The following WFS1 variants were observed in gnomAD, a reference collection of about 807,000 sequenced individuals.
The protein encoded by WFS1 is wolframin ER transmembrane glycoprotein.
WFS1 carries 90 observed loss-of-function variants against 68.5 expected under a neutral mutation model. That is an observed-to-expected ratio of 1.31 (90% CI 1.11 to 1.56). The LOEUF is 1.56. Among genes scored for constraint, WFS1 ranks in the 40% most tolerant of loss-of-function variants. The pLI is 0.00. For missense variants in WFS1, 1,767 were observed against 1,232.6 expected, an observed-to-expected ratio of 1.43 and a Z score of -6.49; for synonymous variants, 860 against 540.7, an observed-to-expected ratio of 1.59 and a Z score of -8.19.
intron 5 of WFS1, 83 bp downstream of exon 5, chr4:6,291,450 A>G: frequency 6.5e-7 from 1 of 1,543,922 alleles, no homozygotes; most frequent in Non-Finnish European, 8.7e-7. Flanking sequence ...AGGGGCTGGG[A>G]CCTTCCCTCA....
intron 7 of WFS1, 108 bp from the exon 8 acceptor site, chr4:6,300,549 G>C (rs1578607955): frequency 2.0e-6 from 3 of 1,526,022 alleles, no homozygotes; most frequent in South Asian, 2.4e-5. Context: ...GAAAACGCAA[G>C]GGTGCGGGTT....
At chr4:6,290,150 G>C (rs547953676) in intron 4 of WFS1, among the ~76,000 whole-genome samples, 31 of 152,312 alleles carry the variant, frequency 2.0e-4, no homozygotes, top group African/African-American at 7.5e-4. Flanking sequence ...GGTTGGCCAG[G>C]CTGGTCACAA....
Position 6,302,102 on chromosome 4 carries a change from G to A in WFS1, c.2307G>A (p.Lys769=). 3 of 1,612,944 alleles carry A rather than the reference G, an allele frequency of 1.9e-6. No individual in the cohort carries two copies. The highest frequency in any genetic ancestry group is 2.5e-6 in the Non-Finnish European group (3 of 1,180,028). The change falls in exon 8 of 8, where the codon AAG becomes AAA. Residue 769 remains lysine (K), a synonymous_variant. Transcript: ENST00000226760. The stretch of plus-strand genomic sequence containing the variant: ...CCAAGCACCCCTGCCACATCAAGAA[G>A]TTCGACCGCTACAAGTTTGAGATTA... The part of the protein sequence containing the change: ...LLAKHPCHIK[K]FDRYKFEITV...
At chr4:6,274,669 T>C (rs1464826611) in intron 1 of WFS1, among the ~76,000 whole-genome samples, 2 of 151,980 alleles carry the variant, frequency 1.3e-5, no homozygotes, top group Non-Finnish European at 2.9e-5. Context: ...AGCTCTTGAC[T>C]TGAAGGGTGC....
chr4:6,301,673 C>A lies in WFS1; in HGVS notation c.1878C>A (p.Ser626=). 1 of 1,614,100 alleles carries A rather than the reference C, an allele frequency of 6.2e-7. No homozygotes were observed. Among genetic ancestry groups the A allele is most frequent in the Non-Finnish European group, 8.5e-7 (1 of 1,180,046 alleles). ...ASFSVVGMVK[S]LTRSSMVKLI... Reference sequence around the variant, plus strand: ...TCTCTGTGGTGGGGATGGTGAAGTCCCTGACGCGGAGCTCCATGGTCAAGC... The same window carrying A: ...TCTCTGTGGTGGGGATGGTGAAGTCACTGACGCGGAGCTCCATGGTCAAGC... The change falls in exon 8 of 8, where the codon TCC becomes TCA. Residue 626 remains serine (S), a synonymous_variant. Transcript: ENST00000226760.
chr4:6,297,425 C>G (rs989794240), intron 7 of WFS1, among the ~76,000 whole-genome samples: 1 of 152,214 alleles, frequency 6.6e-6, no homozygotes, highest in African/African-American at 2.4e-5. Flanking sequence ...AGACTCCACA[C>G]AGTTCTCTTC....
rs546016059 is a variant in WFS1 at position 6,292,746 on chromosome 4, T to C, written c.712+749T>C. Reference sequence around the variant, plus strand: ...ACCCAGGTCTGCCACAGACTCTTCTTGTGACATGGGCAGGTCTCATTTTTC... The same window carrying C: ...ACCCAGGTCTGCCACAGACTCTTCTCGTGACATGGGCAGGTCTCATTTTTC... On this transcript the variant is annotated intron_variant, in intron 6 of 7. Transcript: ENST00000226760. Among the ~76,000 whole-genome samples the C allele has an allele frequency of 5.9e-5, 9 of 152,316 alleles. No homozygotes were observed. In the South Asian group the frequency reaches 6.2e-4, roughly 11 times the overall value.
At chr4:6,272,172 C>A (rs1467076559) in intron 1 of WFS1, among the ~76,000 whole-genome samples, 1 of 152,220 alleles carries the variant, frequency 6.6e-6, no homozygotes, top group Non-Finnish European at 1.5e-5. Flanking sequence ...TTAACCCTTC[C>A]CATCTAGATG....
intron 6 of WFS1, among the ~76,000 whole-genome samples, chr4:6,292,322 G>A (rs1364765219): frequency 6.6e-6 from 1 of 152,074 alleles, no homozygotes. Context: ...GGTGGGGACT[G>A]GCGGGGGGGT....
At chr4:6,270,250 GCC>G (rs1254589346) in intron 1 of WFS1, among the ~76,000 whole-genome samples, 1 of 151,528 alleles carries the variant, frequency 6.6e-6, no homozygotes, top group African/African-American at 2.4e-5. Context: ...CGGGGGGCGC[GCC>G]CCGGTCCCCC....
Position 6,301,439 on chromosome 4 carries a change from G to A in WFS1, c.1644G>A (p.Leu548=), listed in dbSNP as rs71539648. The change falls in exon 8 of 8, where the codon CTG becomes CTA. Residue 548 remains leucine (L), a synonymous_variant. Transcript: ENST00000226760. ...FMWCELSVVI[L]LESTGLGLLR... The stretch of plus-strand genomic sequence containing the variant: ...GGTGTGAGCTCTCCGTGGTCATCCT[G>A]CTGGAGTCCACCGGCCTGGGGCTGC... 1.2e-5 allele frequency: 20 copies of A among 1,612,328 alleles called. No individual in the cohort carries two copies. Among genetic ancestry groups the A allele is most frequent in the Non-Finnish European group, 1.6e-5 (19 of 1,180,036 alleles).
intron 4 of WFS1, among the ~76,000 whole-genome samples, 166 bp from the exon 5 acceptor site, chr4:6,291,031 G>GC (rs56102017): frequency 6.6e-6 from 1 of 151,644 alleles, no homozygotes; most frequent in East Asian, 2.0e-4. Flanking sequence ...GGCGTGGCGC[G>GC]ATGTCCTCTT....
In WFS1 at chr4:6,291,974, T is replaced by C; in HGVS notation, c.689T>C (p.Leu230Pro). The C allele has an allele frequency of 6.2e-7, 1 of 1,609,092 alleles. No homozygotes were observed. The highest frequency in any genetic ancestry group is 8.5e-7 in the Non-Finnish European group (1 of 1,178,656). The change falls in exon 6 of 8, where the codon CTG becomes CCG. Residue 230 changes from leucine to proline, a missense_variant. Physicochemically the swap from Leu to Pro is moderately conservative, Grantham distance 98. Transcript: ENST00000226760. The stretch of plus-strand genomic sequence containing the variant: ...TCCCTGCAGAAGCAGAGGCGCATGC[T>C]GGAGCGCCTGGTCAGCAGCGAGTGT... Reference protein sequence around the residue: ...PKSLQKQRRMLERLVSSESKN... With the variant: ...PKSLQKQRRMPERLVSSESKN...
At chr4:6,296,436 C>T (rs1240734417) in intron 7 of WFS1, among the ~76,000 whole-genome samples, 2 of 152,212 alleles carry the variant, frequency 1.3e-5, no homozygotes, top group African/African-American at 2.4e-5. Flanking sequence ...GACCGGTCTG[C>T]AGAGGTTCTG....
rs777361398 is a variant in WFS1, at chr4:6,291,940, G to C, written c.655G>C (p.Val219Leu). 6.2e-7 allele frequency: 1 copy of C among 1,611,148 alleles called. No individual in the cohort carries two copies. The highest frequency in any genetic ancestry group is 1.7e-5 in the Admixed American group (1 of 59,820). ...EHDGGAQPGP[V>L]PKSLQKQRRM... ...AGATGGAGGGGCGCAGCCAGGCCCC[G>C]TGCCCAAGTCCCTGCAGAAGCAGAG... The change falls in exon 6 of 8, where the codon GTG becomes CTG. Residue 219 changes from valine (V) to leucine (L), a missense_variant. Val to Leu is a conservative substitution (Grantham distance 32). Coordinates refer to ENST00000226760, the MANE Select transcript of WFS1 (RefSeq NM_006005.3).
intron 3 of WFS1, chr4:6,288,560 A>G (rs1302996446): frequency 7.4e-6 from 2 of 269,834 alleles, no homozygotes; most frequent in South Asian, 9.3e-5. Flanking sequence ...TTGCAAAAAC[A>G]GGCAGTGGGC....
rs1730996204 is a variant in WFS1, at chr4:6,302,608, G to A, written c.*140G>A. On this transcript the variant is annotated 3_prime_UTR_variant, in exon 8 of 8. Transcript: ENST00000226760. The stretch of plus-strand genomic sequence containing the variant: ...GGCTGCAGAGACCTTGCGACCATGT[G>A]TAGATTGCGTGGACCCCGACAAAGG... The A allele has an allele frequency of 6.4e-6, 8 of 1,255,648 alleles. No homozygotes were observed. The South Asian group carries it at 1.1e-4, about 18-fold the overall frequency. The allele number at this position is 1,255,648 out of a possible 1,614,324, so 77.8% of individuals were successfully genotyped here.
intron 1 of WFS1, among the ~76,000 whole-genome samples, chr4:6,275,870 G>A (rs10937713): frequency 0.8 from 121,848 of 152,204 alleles, 48,971 homozygotes; most frequent in East Asian, 0.94. Context: ...AGTGCCAAGC[G>A]CTGGGTGTTC....
Position 6,292,923 on chromosome 4 carries a change from G to A in WFS1, c.712+926G>A, listed in dbSNP as rs142246306. 6.5e-3 allele frequency among the ~76,000 whole-genome samples: 985 copies of A among 152,342 alleles called. 7 individuals are homozygous for A. Among genetic ancestry groups the A allele is most frequent in the Middle Eastern group, 0.014 (4 of 292 alleles). On this transcript the variant is annotated intron_variant, in intron 6 of 7. Transcript: ENST00000226760. ...TTCCCACTGGGCCCGTGAGGAAACC[G>A]TCCATAGGGTGTGGTCAGAGCCCTC...
Sources: allele counts gnomAD v4.1 joint callset (sites outside exome capture counted in the v4.1 genomes callset), GRCh38; gene constraint gnomAD v4.1.1; transcripts MANE v1.5; gene names NCBI Gene and HGNC (gene_info 2026-07-23, HGNC 2026-07-21).